Variants in PCSK5 observed in about 807,000 individuals in gnomAD.
PCSK5 encodes the protein prohormone convertase 5.
In PCSK5, 129 loss-of-function variants were observed where a neutral mutation model predicts 233.2. The ratio of observed to expected loss-of-function variants is 0.55; its 90% CI spans 0.48 to 0.64. PCSK5 has a LOEUF of 0.64. Among genes scored for constraint, PCSK5 ranks in the 30% least tolerant of loss-of-function variants. PCSK5 has a pLI of 0.00. For missense variants in PCSK5, 2,076 were observed against 2,430.1 expected, an observed-to-expected ratio of 0.85 and a Z score of 3.06; for synonymous variants, 825 against 879.2, an observed-to-expected ratio of 0.94 and a Z score of 1.09.
At chr9:76,308,790 A>G (rs1828779719) in intron 29 of PCSK5, 62 bp downstream of exon 29, 1 of 1,025,228 alleles carries the variant, frequency 9.8e-7, no homozygotes, top group Admixed American at 1.8e-5. Flanking sequence ...ACTCATGTGT[A>G]GTGGCATCTT....
At chr9:76,158,618 G>A (rs368652981) in intron 11 of PCSK5, among the ~76,000 whole-genome samples, 3 of 152,130 alleles carry the variant, frequency 2.0e-5, no homozygotes, top group Admixed American at 1.3e-4. Flanking sequence ...GATCAGCTAC[G>A]TCACTATCAC....
chr9:76,011,378 G>A (rs1827724542), intron 3 of PCSK5, among the ~76,000 whole-genome samples: 1 of 152,162 alleles, frequency 6.6e-6, no homozygotes, highest in Non-Finnish European at 1.5e-5. Flanking sequence ...TTCCTTGCAA[G>A]CAACTTTGTA....
At chr9:76,034,929 G>C (rs896601320) in intron 5 of PCSK5, among the ~76,000 whole-genome samples, 1 of 152,116 alleles carries the variant, frequency 6.6e-6, no homozygotes, top group African/African-American at 2.4e-5. Context: ...CCGATTAAAT[G>C]GTGTTATATA....
intron 32 of PCSK5, among the ~76,000 whole-genome samples, chr9:76,325,700 C>T (rs1013820153): frequency 2.6e-5 from 4 of 150,986 alleles, no homozygotes; most frequent in African/African-American, 7.4e-5. Context: ...TGCAATGGCG[C>T]GATCTGGACT....
intron 2 of PCSK5, among the ~76,000 whole-genome samples, chr9:75,934,766 G>A (rs1823975949): frequency 6.6e-6 from 1 of 151,930 alleles, no homozygotes; most frequent in Non-Finnish European, 1.5e-5. Flanking sequence ...ATTATTAGTA[G>A]AGATGGGGTT....
intron 32 of PCSK5, among the ~76,000 whole-genome samples, chr9:76,324,683 A>T (rs1238925478): frequency 3.3e-5 from 5 of 152,304 alleles, no homozygotes; most frequent in Non-Finnish European, 7.3e-5. Context: ...TTAACTCGGC[A>T]TGAATCATTT....
Position 76,233,442 on chromosome 9 carries a change from A to C in PCSK5, c.2730-18A>C. On this transcript the variant is annotated intron_variant, in intron 21 of 37. Coordinates refer to ENST00000674117, the MANE Select transcript of PCSK5 (RefSeq NM_001372043.1). ...GAAAGTCACCCTGATGAATTCTAAA[A>C]GTCTGCTTTTCCTCTAGGATTTTTG... 2 of 1,612,392 alleles carry C rather than the reference A, an allele frequency of 1.2e-6. No homozygotes were observed. Among genetic ancestry groups the C allele is most frequent in the Non-Finnish European group, 1.7e-6 (2 of 1,179,634 alleles).
At chr9:76,130,948 T>A (rs1822741237) in intron 9 of PCSK5, among the ~76,000 whole-genome samples, 1 of 152,150 alleles carries the variant, frequency 6.6e-6, no homozygotes, top group Non-Finnish European at 1.5e-5. Context: ...GCTTCAAAGC[T>A]CTTGTTGCAC....
At position 76,181,591 on chromosome 9, in the gene PCSK5, A is replaced by G. The variant is rs199629329; in HGVS notation, c.2197A>G (p.Lys733Glu). 2.9e-5 allele frequency: 46 copies of G among 1,604,414 alleles called. No homozygotes were observed. In the East Asian group the frequency reaches 9.4e-4, roughly 33 times the overall value. ...CCCTGATGGGTCATATCAGGATACC[A>G]GTAAGCTCACTTCAAATACTTGGGT... ...HCPDGSYQDT[K>E]KNLCRKCSEN... Residue 733 changes from lysine to glutamate, a missense_variant and splice_region_variant, in exon 16 of 38, where the codon AAG becomes GAG. Around this residue, in one of 6 missense-constraint regions of PCSK5, gnomAD observed 1,510 missense variants for 1,538.1 expected, o/e 0.98. Transcript: ENST00000674117.
At chr9:76,157,239 T>G in intron 11 of PCSK5, 77 bp downstream of exon 11, 1 of 905,148 alleles carries the variant, frequency 1.1e-6, no homozygotes, top group Non-Finnish European at 1.8e-6. Context: ...AGACAGCCTC[T>G]TGTTGCACAC....
rs1007068502 is a variant in PCSK5 at position 76,056,376 on chromosome 9, G to GA, written c.633-11572dup. On this transcript the variant is annotated intron_variant, in intron 5 of 37. Transcript: ENST00000674117. ...TCCATCCACATTAACAGATACGGAA[G>GA]AAAAAAAGTTCTCAAAGCCGTGTGA... 3.3e-5 allele frequency among the ~76,000 whole-genome samples: 5 copies of GA among 152,156 alleles called. No homozygotes were observed. In the East Asian group the frequency reaches 9.7e-4, roughly 29 times the overall value.
intron 24 of PCSK5, among the ~76,000 whole-genome samples, chr9:76,266,691 C>T (rs1022136026): frequency 1.3e-5 from 2 of 152,184 alleles, no homozygotes; most frequent in African/African-American, 4.8e-5. Flanking sequence ...AGAATAAACA[C>T]TCACAGACTT....
intron 13 of PCSK5, among the ~76,000 whole-genome samples, chr9:76,170,520 C>G (rs569726314): frequency 1.3e-5 from 2 of 152,306 alleles, no homozygotes; most frequent in Admixed American, 1.3e-4. Flanking sequence ...GGGTGAGAGA[C>G]TGTGTTGCCC....
At chr9:75,955,088 C>T (rs1397356202) in intron 2 of PCSK5, among the ~76,000 whole-genome samples, 1 of 152,128 alleles carries the variant, frequency 6.6e-6, no homozygotes, top group Admixed American at 6.5e-5. Context: ...TTGTCAAGCA[C>T]CTAGTATGTG....
At chr9:76,190,679 C>T (rs1247743006) in intron 20 of PCSK5, among the ~76,000 whole-genome samples, 1 of 152,126 alleles carries the variant, frequency 6.6e-6, no homozygotes, top group Non-Finnish European at 1.5e-5. Context: ...CTGAATCTTT[C>T]ATTAAGCCTG....
Position 76,208,050 on chromosome 9 carries a change from T to C in PCSK5, c.2626+18304T>C, listed in dbSNP as rs367940617. ...AGAGAGAAATGGGAGCCAAACTTCA[T>C]CTTTTTATCAGGAGCCCTCTCTCAC... On this transcript the variant is annotated intron_variant, in intron 20 of 37. Coordinates refer to ENST00000674117, the MANE Select transcript of PCSK5 (RefSeq NM_001372043.1). Among the ~76,000 whole-genome samples, 39 of 152,272 alleles carry C rather than the reference T, an allele frequency of 2.6e-4. No individual in the cohort carries two copies. The South Asian group carries it at 2.7e-3, about 11-fold the overall frequency.
At chr9:75,943,748 T>C (rs1824429641) in intron 2 of PCSK5, among the ~76,000 whole-genome samples, 1 of 152,206 alleles carries the variant, frequency 6.6e-6, no homozygotes, top group Non-Finnish European at 1.5e-5. Context: ...TAATGCAATA[T>C]AATGAACTGC....
At chr9:76,317,161 G>C (rs1463551326) in intron 30 of PCSK5, among the ~76,000 whole-genome samples, 1 of 152,110 alleles carries the variant, frequency 6.6e-6, no homozygotes, top group Non-Finnish European at 1.5e-5. Flanking sequence ...AGGAGTTTGA[G>C]ACCAGCCTGG....
chr9:76,034,294 T>C (rs1290282201), intron 5 of PCSK5, among the ~76,000 whole-genome samples: 2 of 152,098 alleles, frequency 1.3e-5, no homozygotes, highest in African/African-American at 4.8e-5. Flanking sequence ...CTATGTTTAT[T>C]CCCCTTCTCT....
Sources: gnomAD v4.1 joint callset for allele counts (sites outside exome capture counted in the v4.1 genomes callset) on GRCh38, gnomAD v4.1.1 for gene constraint, gnomAD v4.1.1 regional missense constraint, MANE v1.5 for transcripts, NCBI Gene and HGNC (gene_info 2026-07-23, HGNC 2026-07-21) for gene names.